SCIN: variants seen among roughly 807,000 people sequenced by gnomAD.
SCIN encodes scinderin.
A neutral mutation model predicts 91.8 loss-of-function variants in SCIN; 91 were observed. The ratio of observed to expected loss-of-function variants is 0.99; its 90% CI spans 0.84 to 1.18. The LOEUF (loss-of-function observed/expected upper bound fraction) is 1.18. Among genes scored for constraint, SCIN ranks in the 50% most tolerant of loss-of-function variants. SCIN has a pLI of 0.00. For missense variants in SCIN, 1,087 were observed against 863.9 expected (o/e 1.26, Z -3.24); for synonymous variants, 367 against 312.6 (o/e 1.17, Z -1.84).
intron 7 of SCIN, chr7:12,626,165 A>G (rs79320454): frequency 6.1e-6 from 2 of 329,758 alleles, no homozygotes; most frequent in East Asian, 6.1e-5. Flanking sequence ...AGTTGTGCAG[A>G]CTTGGCCTGA....
rs1175183547 is a variant in SCIN, at chr7:12,654,276, A to C, written c.*1561A>C. ...GTATTGAATATCTCTATTTTCTTTT[A>C]ATCATAGAATTCACTGATATTTTAG... On this transcript the variant is annotated 3_prime_UTR_variant, in exon 16 of 16. Coordinates refer to ENST00000297029, the MANE Select transcript of SCIN (RefSeq NM_001112706.3). 6.6e-6 allele frequency: 1 copy of C among 152,170 alleles called. No individual in the cohort carries two copies. The highest frequency in any genetic ancestry group is 1.5e-5 in the Non-Finnish European group (1 of 68,020). The allele number at this position is 152,170 out of a possible 1,614,324, so 9.4% of individuals were successfully genotyped here. A position where few individuals can be genotyped will look rare whatever the true frequency, so the allele number is the denominator to read the frequency against.
rs1444095782 is a variant in SCIN, at chr7:12,625,776, C to A, written c.907C>A (p.Pro303Thr). ...IFVWKGKDANPQERKAAMKTA... is the reference protein window; with the variant it reads ...IFVWKGKDANTQERKAAMKTA... Reference sequence around the variant, plus strand: ...TTGTATTTTAGGTAAAGATGCTAATCCCCAAGAGAGGAAGGCTGCAATGAA... The same window carrying A: ...TTGTATTTTAGGTAAAGATGCTAATACCCAAGAGAGGAAGGCTGCAATGAA... The change falls in exon 7 of 16, where the codon CCC becomes ACC. Residue 303 changes from proline to threonine, a missense_variant. Coordinates refer to ENST00000297029, the MANE Select transcript of SCIN (RefSeq NM_001112706.3). 1.9e-6 allele frequency: 3 copies of A among 1,610,082 alleles called. No individual in the cohort carries two copies. The Admixed American group carries it at 5.0e-5, about 27-fold the overall frequency.
At chr7:12,596,233 T>C (rs540004685) in intron 3 of SCIN, 13 of 403,268 alleles carry the variant, frequency 3.2e-5, no homozygotes, top group Admixed American at 5.3e-5. Context: ...TAGGAAGTCG[T>C]ACACATGCCA....
intron 4 of SCIN, among the ~76,000 whole-genome samples, chr7:12,618,100 A>G (rs1278189843): frequency 1.3e-5 from 2 of 152,124 alleles, no homozygotes; most frequent in Non-Finnish European, 2.9e-5. Context: ...CCCCACTGCC[A>G]CAGCATTCCC....
chr7:12,641,810 C>T (rs769677877), intron 11 of SCIN, among the ~76,000 whole-genome samples: 14 of 152,020 alleles, frequency 9.2e-5, no homozygotes, highest in Non-Finnish European at 1.9e-4. Flanking sequence ...TTCATGTCCT[C>T]CTTTCTCCCC....
intron 11 of SCIN, among the ~76,000 whole-genome samples, chr7:12,642,895 C>T (rs1200296900): frequency 6.6e-6 from 1 of 152,106 alleles, no homozygotes; most frequent in African/African-American, 2.4e-5. Context: ...TCACTGTGGT[C>T]TCATTCAGTC....
chr7:12,601,209 G>A (rs533471246), intron 3 of SCIN, among the ~76,000 whole-genome samples: 7 of 150,658 alleles, frequency 4.6e-5, no homozygotes, highest in African/African-American at 7.3e-5. Flanking sequence ...AATGTTAAGC[G>A]GGGGTCAGAG....
At chr7:12,616,691 G>T (rs1446453774) in intron 4 of SCIN, among the ~76,000 whole-genome samples, 1 of 152,144 alleles carries the variant, frequency 6.6e-6, no homozygotes, top group South Asian at 2.1e-4. Context: ...TTACATAACA[G>T]ATATATCTTG....
At chr7:12,579,732 A>T (rs1448279880) in intron 2 of SCIN, among the ~76,000 whole-genome samples, 1 of 152,206 alleles carries the variant, frequency 6.6e-6, no homozygotes, top group Non-Finnish European at 1.5e-5. Flanking sequence ...CCTGACCAAT[A>T]TGGTGAAACT....
chr7:12,605,220 T>A (rs559526819), intron 4 of SCIN, among the ~76,000 whole-genome samples: 3 of 151,954 alleles, frequency 2.0e-5, no homozygotes, highest in Non-Finnish European at 2.9e-5. Context: ...CCTGGCTAAT[T>A]TTTTGTATTT....
chr7:12,649,344 GA>G (rs937374868), intron 13 of SCIN, 122 bp from the exon 14 acceptor site: 13 of 522,534 alleles, frequency 2.5e-5, no homozygotes, highest in Admixed American at 7.6e-5. Context: ...TGAAAAAGAA[GA>G]AAAAAATTAC....
At chr7:12,650,790 T>G (rs551604547) in intron 14 of SCIN, among the ~76,000 whole-genome samples, 1 of 152,236 alleles carries the variant, frequency 6.6e-6, no homozygotes, top group South Asian at 2.1e-4. Flanking sequence ...CATTATAGCA[T>G]TTGTACCAAC....
chr7:12,603,747 C>G (rs1300480415), intron 3 of SCIN, among the ~76,000 whole-genome samples: 1 of 152,064 alleles, frequency 6.6e-6, no homozygotes, highest in African/African-American at 2.4e-5. Flanking sequence ...TCTGTTTCGA[C>G]TTTTTCATGT....
chr7:12,595,162 G>A (rs1337650475), intron 3 of SCIN, among the ~76,000 whole-genome samples: 1 of 152,130 alleles, frequency 6.6e-6, no homozygotes, highest in Non-Finnish European at 1.5e-5. Flanking sequence ...AGGCGAGTAA[G>A]CTTATTATCC....
intron 9 of SCIN, among the ~76,000 whole-genome samples, chr7:12,634,391 A>T (rs1317132711): frequency 6.6e-6 from 1 of 152,028 alleles, no homozygotes; most frequent in Non-Finnish European, 1.5e-5. Context: ...AGGCTGAGGC[A>T]GGAGAATCAC....
chr7:12,652,575 C>T lies in SCIN; in HGVS notation c.2021-13C>T, dbSNP rs933023310. On this transcript the variant is annotated splice_polypyrimidine_tract_variant and intron_variant, in intron 15 of 15. Transcript: ENST00000297029. ...AACTAACTGAATTTATATGTCTTTA[C>T]AACTTTTTTTAGCCAAAATGTACCT... The T allele has an allele frequency of 6.2e-7, 1 of 1,611,194 alleles. No homozygotes were observed. Among genetic ancestry groups the T allele is most frequent in the Non-Finnish European group, 8.5e-7 (1 of 1,178,738 alleles).
chr7:12,636,251 G>C (rs1210853930), intron 10 of SCIN, 116 bp downstream of exon 10: 1 of 663,394 alleles, frequency 1.5e-6, no homozygotes, highest in African/African-American at 1.8e-5. Context: ...GATATGAACT[G>C]TGTTTTCATT....
In SCIN at chr7:12,631,514, T is replaced by C. The variant is rs910074448; in HGVS notation, c.1319+2292T>C. On this transcript the variant is annotated intron_variant, in intron 9 of 15. Transcript: ENST00000297029. Reference sequence around the variant, plus strand: ...GGGAGATGGGGCATTTAAGAGGTGATAGCTCTCATGAATGGATGAGTTCAT... The same window carrying C: ...GGGAGATGGGGCATTTAAGAGGTGACAGCTCTCATGAATGGATGAGTTCAT... Among the ~76,000 whole-genome samples the C allele has an allele frequency of 1.3e-5, 2 of 152,146 alleles. 1 individual carries two copies. The highest frequency in any genetic ancestry group is 2.9e-5 in the Non-Finnish European group (2 of 68,018).
At chr7:12,624,276 TA>T (rs1383779562) in intron 5 of SCIN, among the ~76,000 whole-genome samples, 1 of 152,208 alleles carries the variant, frequency 6.6e-6, no homozygotes, top group African/African-American at 2.4e-5. Context: ...AATAGGTAAC[TA>T]AACTGTAGCA....
Sources: allele counts gnomAD v4.1 joint callset (sites outside exome capture counted in the v4.1 genomes callset), GRCh38; gene constraint gnomAD v4.1.1; transcripts MANE v1.5; gene names NCBI Gene and HGNC (gene_info 2026-07-23, HGNC 2026-07-21).